The following GARIN6 variants were observed in gnomAD, a reference collection of about 807,000 sequenced individuals.
GARIN6 encodes Golgi-associated RAB2 interactor protein 6.
the GARIN6 span, chr12:99,648,840 G>T: frequency 6.4e-7 from 1 of 1,551,362 alleles, no homozygotes; most frequent in Non-Finnish European, 8.7e-7. Context: ...GGGGAGAGCA[G>T]GTACAGGTCC....
chr12:99,650,103 A>G, the GARIN6 span: 2 of 152,270 alleles, frequency 1.3e-5, no homozygotes, highest in African/African-American at 2.4e-5. Context: ...CAATAAAACT[A>G]ATGGCAATTT....
chr12:99,648,884 A>G, the GARIN6 span: 1 of 1,451,572 alleles, frequency 6.9e-7, no homozygotes, highest in African/African-American at 1.4e-5. Context: ...TCACCTGGGA[A>G]ATGCATTGCA....
chr12:99,648,228 G>C, the GARIN6 span: 5 of 1,614,174 alleles, frequency 3.1e-6, no homozygotes, highest in Non-Finnish European at 1.7e-6. Flanking sequence ...GCCCCGCAAT[G>C]GGCATGTTTA....
the GARIN6 span, chr12:99,648,746 C>T: frequency 6.2e-7 from 1 of 1,613,512 alleles, no homozygotes; most frequent in Admixed American, 1.7e-5. Flanking sequence ...GCTGGGAACA[C>T]ATTGGACTCA....
At chr12:99,649,091 T>C in the GARIN6 span, among the ~76,000 whole-genome samples, 1 of 152,240 alleles carries the variant, frequency 6.6e-6, no homozygotes, top group African/African-American at 2.4e-5. Flanking sequence ...GACCAGTCTA[T>C]TCTGAAACAC....
the GARIN6 span, chr12:99,648,028 T>G: frequency 8.9e-7 from 1 of 1,120,874 alleles, no homozygotes; most frequent in Non-Finnish European, 1.2e-6. Context: ...CTCCCTGTTC[T>G]CAGTCACTTG....
At chr12:99,648,751 G>T in the GARIN6 span, 3 of 1,613,540 alleles carry the variant, frequency 1.9e-6, no homozygotes, top group South Asian at 1.1e-5. Context: ...GAACACATTG[G>T]ACTCATCTGT....
chr12:99,648,307 A>C, the GARIN6 span: 1 of 1,614,164 alleles, frequency 6.2e-7, no homozygotes, highest in South Asian at 1.1e-5. Flanking sequence ...GTATGCACCC[A>C]TGTTTGAGAG....
chr12:99,649,149 C>A, the GARIN6 span: 2 of 712,124 alleles, frequency 2.8e-6, no homozygotes, highest in Non-Finnish European at 4.9e-6. Flanking sequence ...TGTCTCCCTG[C>A]AATTGCCACT....
chr12:99,648,067 G>T, the GARIN6 span: 1 of 1,463,996 alleles, frequency 6.8e-7, no homozygotes, highest in Non-Finnish European at 9.2e-7. Flanking sequence ...TGCAGAACAC[G>T]ACTGCTGGCC....
chr12:99,648,782 G>T, the GARIN6 span: 5 of 1,609,724 alleles, frequency 3.1e-6, no homozygotes, highest in African/African-American at 2.7e-5. Flanking sequence ...GTGCAGAGGA[G>T]CCCAGTGGTG....
At chr12:99,648,290 T>C in the GARIN6 span, 10 of 1,614,182 alleles carry the variant, frequency 6.2e-6, no homozygotes, top group Non-Finnish European at 8.5e-6. Context: ...GAGTATACTA[T>C]ATTCAGGTAT....
chr12:99,649,237 A>G, the GARIN6 span: 1 of 1,358,994 alleles, frequency 7.4e-7, no homozygotes. Context: ...ATAGGAAGAG[A>G]AAGGAGATCT....
chr12:99,648,724 A>C, the GARIN6 span: 1 of 1,614,002 alleles, frequency 6.2e-7, no homozygotes, highest in South Asian at 1.1e-5. Context: ...CAGTGATACC[A>C]GGGCTATCCT....
At chr12:99,648,937 A>G in the GARIN6 span, 36 of 1,165,364 alleles carry the variant, frequency 3.1e-5, 1 homozygote, top group South Asian at 5.8e-4. Context: ...TTTGGAGGCC[A>G]TGGTACATTG....
At chr12:99,649,603 T>TCCAGGA in the GARIN6 span, 1 of 531,442 alleles carries the variant, frequency 1.9e-6, no homozygotes, top group South Asian at 2.4e-5. Context: ...CCTTCAGAGG[T>TCCAGGA]CCAGGAGGAA....
At chr12:99,647,907 A>C in the GARIN6 span, 1 of 443,542 alleles carries the variant, frequency 2.3e-6, no homozygotes, top group Non-Finnish European at 4.0e-6. Context: ...GACATCCACG[A>C]GGGCCCCAAC....
the GARIN6 span, chr12:99,648,808 T>C: frequency 6.3e-7 from 1 of 1,597,014 alleles, no homozygotes; most frequent in African/African-American, 1.3e-5. Flanking sequence ...ATGCAGAGAC[T>C]AGATGGGGCC....
At chr12:99,648,366 C>A in the GARIN6 span, 1 of 1,614,060 alleles carries the variant, frequency 6.2e-7, no homozygotes, top group South Asian at 1.1e-5. Flanking sequence ...ACGTGCACAA[C>A]CGTGCCCGAA....
Sources: gnomAD v4.1 joint callset for allele counts (sites outside exome capture counted in the v4.1 genomes callset) on GRCh38, gnomAD v4.1.1 for gene constraint, MANE v1.5 for transcripts, NCBI Gene and HGNC (gene_info 2026-07-23, HGNC 2026-07-21) for gene names.